Variants in PXYLP1 observed in about 807,000 individuals in gnomAD.
PXYLP1 encodes the protein 2-phosphoxylose phosphatase 1.
In PXYLP1, 17 loss-of-function variants were observed where a neutral mutation model predicts 37.9. The ratio of observed to expected loss-of-function variants is 0.45; its 90% confidence interval spans 0.31 to 0.67. The LOEUF (loss-of-function observed/expected upper bound fraction) is 0.67. PXYLP1 is among the 30% of genes least tolerant of loss of function. The pLI, the probability that PXYLP1 is intolerant of heterozygous loss-of-function variation, is 0.07. For missense variants in PXYLP1, 511 were observed against 612.0 expected (o/e 0.84, Z 1.74); for synonymous variants, 221 against 232.2 (o/e 0.95, Z 0.44).
chr3:141,248,018 G>GTTTTTTTT (rs200024544), intron 1 of PXYLP1, among the ~76,000 whole-genome samples: 113 of 62,354 alleles, frequency 1.8e-3, no homozygotes, highest in East Asian at 9.3e-3. Flanking sequence ...AAGAGTTTTT[G>GTTTTTTTT]TTTTGTTTTT....
intron 4 of PXYLP1, among the ~76,000 whole-genome samples, chr3:141,284,586 T>C (rs1942028966): frequency 6.6e-6 from 1 of 152,218 alleles, no homozygotes; most frequent in South Asian, 2.1e-4. Flanking sequence ...GAATCTGAGA[T>C]GCTCAAGTCC....
intron 4 of PXYLP1, among the ~76,000 whole-genome samples, chr3:141,280,355 C>T (rs967583264): frequency 4.6e-5 from 7 of 152,236 alleles, no homozygotes; most frequent in African/African-American, 1.2e-4. Flanking sequence ...TGTAGCTCGT[C>T]TTGCAGGGCC....
intron 1 of PXYLP1, among the ~76,000 whole-genome samples, chr3:141,238,890 C>T (rs760297173): frequency 6.6e-6 from 1 of 151,968 alleles, no homozygotes; most frequent in Non-Finnish European, 1.5e-5. Context: ...AAGGTTTTAT[C>T]CTCATTGTCT....
In PXYLP1 at chr3:141,292,720, C is replaced by T; in HGVS notation, c.958C>T (p.His320Tyr). The change falls in exon 6 of 6, where the codon CAC becomes TAC. Residue 320 changes from histidine (H) to tyrosine (Y), a missense_variant. Physicochemically the swap from His to Tyr is moderately conservative, Grantham distance 83. Coordinates refer to ENST00000286353, the MANE Select transcript of PXYLP1 (RefSeq NM_001037172.3). This position sits in a 1 kb window ranked among gnomAD's most constrained non-coding sequence, Gnocchi z 4.3. ...CTRNGCVDME[H>Y]FKVIKTHQIE... ...CAGAAATGGCTGTGTTGACATGGAGCACTTCAAGGTAATTAAGACCCATCA... is the reference window on the plus strand; with the variant it reads ...CAGAAATGGCTGTGTTGACATGGAGTACTTCAAGGTAATTAAGACCCATCA... 3 of 1,614,050 alleles carry T rather than the reference C, an allele frequency of 1.9e-6. No individual in the cohort carries two copies. Among genetic ancestry groups the T allele is most frequent in the Non-Finnish European group, 1.7e-6 (2 of 1,180,006 alleles).
At chr3:141,273,200 A>G in intron 2 of PXYLP1, 1 of 985,260 alleles carries the variant, frequency 1.0e-6, no homozygotes, top group African/African-American at 1.7e-5. Flanking sequence ...GACCTTGTCC[A>G]TTTTATTCTC....
At chr3:141,266,461 A>T (rs891894719) in intron 2 of PXYLP1, among the ~76,000 whole-genome samples, 2 of 152,052 alleles carry the variant, frequency 1.3e-5, no homozygotes, top group African/African-American at 4.8e-5. Context: ...GAGAGAGCCA[A>T]AAGAAAATCT....
chr3:141,232,973 G>T (rs1940567052), intron 1 of PXYLP1, among the ~76,000 whole-genome samples: 1 of 152,032 alleles, frequency 6.6e-6, no homozygotes, highest in Admixed American at 6.5e-5. Flanking sequence ...AAGTGTAGGG[G>T]GGTGGATGGG....
rs1188234009 is a variant in PXYLP1, at chr3:141,292,894, C to T, written c.1132C>T (p.His378Tyr). The change falls in exon 6 of 6, where the codon CAT becomes TAT. Residue 378 changes from histidine to tyrosine, a missense_variant. By Grantham distance (83) the His-to-Tyr change is moderately conservative. Coordinates refer to ENST00000286353, the MANE Select transcript of PXYLP1 (RefSeq NM_001037172.3). The surrounding 1 kb of genome is among the most constrained non-coding windows in gnomAD (Gnocchi z 4.3). Reference protein sequence around the residue: ...KEELFALYSAHDVTLSPVLSA... With the variant: ...KEELFALYSAYDVTLSPVLSA... ...AGAGCTCTTTGCCCTCTACTCTGCT[C>T]ATGATGTCACTCTGTCACCAGTTCT... 1 of 1,614,106 alleles carries T rather than the reference C, an allele frequency of 6.2e-7. No homozygotes were observed. Among genetic ancestry groups the T allele is most frequent in the African/African-American group, 1.3e-5 (1 of 74,934 alleles).
intron 1 of PXYLP1, among the ~76,000 whole-genome samples, chr3:141,238,296 G>A (rs369356974): frequency 7.2e-5 from 11 of 152,304 alleles, no homozygotes; most frequent in African/African-American, 2.4e-4. Flanking sequence ...CTCAGACCTC[G>A]CTTTGCTTGC....
At chr3:141,289,276 C>CAAAAAATA (rs112480371) in intron 5 of PXYLP1, among the ~76,000 whole-genome samples, 1 of 151,410 alleles carries the variant, frequency 6.6e-6, no homozygotes, top group Non-Finnish European at 1.5e-5. Context: ...GTTCTAGACA[C>CAAAAAATA]AAAAACAGAA....
At chr3:141,240,346 C>A (rs1415444273) in intron 1 of PXYLP1, among the ~76,000 whole-genome samples, 7 of 152,144 alleles carry the variant, frequency 4.6e-5, no homozygotes, top group Admixed American at 2.6e-4. Context: ...TGCTCACACA[C>A]AGTCCAAAAT....
At position 141,280,290 on chromosome 3, in the gene PXYLP1, G is replaced by A. The variant is rs77822516; in HGVS notation, c.365+786G>A. On this transcript the variant is annotated intron_variant, in intron 4 of 5. Transcript: ENST00000286353. ...AGCCTGCCCCGGGAGGGCGAGCCTG[G>A]TGGAGCCATGGATTACCTCACTACA... is the stretch of plus-strand genomic sequence containing the variant. Among the ~76,000 whole-genome samples the A allele has an allele frequency of 4.3e-4, 66 of 152,334 alleles. No homozygotes were observed. The East Asian group carries it at 0.011, about 26-fold the overall frequency.
At chr3:141,275,444 G>C (rs4683399) in intron 2 of PXYLP1, among the ~76,000 whole-genome samples, 43,828 of 152,182 alleles carry the variant, frequency 0.29, 8,341 homozygotes, top group African/African-American at 0.55. Flanking sequence ...AGCTGCTTCT[G>C]TCCCTGGCCC....
intron 2 of PXYLP1, among the ~76,000 whole-genome samples, chr3:141,276,591 C>A (rs1052135672): frequency 7.9e-5 from 12 of 152,134 alleles, no homozygotes; most frequent in African/African-American, 2.2e-4. Context: ...TTTGTTATTA[C>A]AAACAGCACT....
chr3:141,249,819 C>T (rs1435885656), intron 1 of PXYLP1, among the ~76,000 whole-genome samples: 2 of 152,088 alleles, frequency 1.3e-5, no homozygotes, highest in Non-Finnish European at 2.9e-5. Flanking sequence ...GGAACACAGA[C>T]TTGTCTATGT....
intron 2 of PXYLP1, chr3:141,273,654 T>G: frequency 2.0e-5 from 20 of 985,362 alleles, no homozygotes; most frequent in Non-Finnish European, 2.4e-5. Flanking sequence ...TCTTTGAAAT[T>G]GAGACCTTGT....
chr3:141,253,252 G>T (rs1941185267), intron 1 of PXYLP1, among the ~76,000 whole-genome samples: 1 of 152,146 alleles, frequency 6.6e-6, no homozygotes, highest in African/African-American at 2.4e-5. Flanking sequence ...AGAGGGCTGT[G>T]GGTGCTGGGC....
chr3:141,280,886 C>T (rs1040740107), intron 4 of PXYLP1, among the ~76,000 whole-genome samples: 11 of 152,202 alleles, frequency 7.2e-5, no homozygotes, highest in Admixed American at 3.3e-4. Flanking sequence ...CACTAGCTGG[C>T]GGTCCACAAG....
intron 1 of PXYLP1, among the ~76,000 whole-genome samples, chr3:141,257,746 A>T (rs944388990): frequency 6.6e-6 from 1 of 152,088 alleles, no homozygotes; most frequent in Non-Finnish European, 1.5e-5. Context: ...TACTAAAAGT[A>T]CAAAAATTAG....
Sources: allele counts gnomAD v4.1 joint callset (sites outside exome capture counted in the v4.1 genomes callset), GRCh38; gene constraint gnomAD v4.1.1; non-coding constraint Gnocchi (gnomAD v3.1); transcripts MANE v1.5; gene names NCBI Gene and HGNC (gene_info 2026-07-23, HGNC 2026-07-21).